Variants in BLTP1 observed in about 807,000 individuals in gnomAD.
The protein encoded by BLTP1 is fragile site-associated protein.
chr4:122,156,889 AGAT>A, the BLTP1 span, among the ~76,000 whole-genome samples: 3 of 152,260 alleles, frequency 2.0e-5, no homozygotes, highest in South Asian at 4.1e-4. Context: ...GGAAGGAAGG[AGAT>A]GATGATGATG....
chr4:122,359,939 G>A, the BLTP1 span: 1 of 985,336 alleles, frequency 1.0e-6, no homozygotes. Flanking sequence ...GCTCAGCACT[G>A]ATGAGTTGTC....
chr4:122,174,630 A>C, the BLTP1 span: 2 of 1,602,652 alleles, frequency 1.2e-6, no homozygotes, highest in East Asian at 2.2e-5. Flanking sequence ...AATCTATTAC[A>C]TTACAGAAGA....
chr4:122,361,308 G>A, the BLTP1 span, among the ~76,000 whole-genome samples: 1 of 152,082 alleles, frequency 6.6e-6, no homozygotes. Flanking sequence ...GCAGGGCATC[G>A]ATGCAGAACT....
the BLTP1 span, chr4:122,274,510 T>G: frequency 6.5e-7 from 1 of 1,543,892 alleles, no homozygotes; most frequent in Non-Finnish European, 8.7e-7. Flanking sequence ...ATAAACATGC[T>G]GAATTTTGAG....
chr4:122,219,884 C>G, the BLTP1 span, among the ~76,000 whole-genome samples: 1 of 152,058 alleles, frequency 6.6e-6, no homozygotes, highest in African/African-American at 2.4e-5. Flanking sequence ...TTTACATTTT[C>G]TTAGCTTTTA....
the BLTP1 span, chr4:122,344,928 G>A: frequency 2.0e-6 from 2 of 985,098 alleles, no homozygotes; most frequent in Admixed American, 6.2e-5. Flanking sequence ...TTTACTTGAT[G>A]TCAGAAAACC....
the BLTP1 span, among the ~76,000 whole-genome samples, chr4:122,242,489 C>G: frequency 6.6e-6 from 1 of 152,060 alleles, no homozygotes; most frequent in Non-Finnish European, 1.5e-5. Flanking sequence ...AAAAAGTAAC[C>G]TGGGAGGTAA....
At chr4:122,196,994 G>T in the BLTP1 span, 1 of 169,978 alleles carries the variant, frequency 5.9e-6, no homozygotes, top group Non-Finnish European at 1.2e-5. Context: ...AGACCTTCAT[G>T]CTATATTCTG....
chr4:122,174,196 G>A, the BLTP1 span: 66 of 985,030 alleles, frequency 6.7e-5, no homozygotes, highest in Admixed American at 1.2e-4. Flanking sequence ...AACATAAATC[G>A]TCTTCCATTA....
the BLTP1 span, among the ~76,000 whole-genome samples, chr4:122,303,162 G>A: frequency 6.6e-6 from 1 of 152,194 alleles, no homozygotes; most frequent in African/African-American, 2.4e-5. Flanking sequence ...TTAAGTGGAA[G>A]CCAGTGCTCA....
At chr4:122,225,382 T>C in the BLTP1 span, 1 of 152,252 alleles carries the variant, frequency 6.6e-6, no homozygotes, top group Non-Finnish European at 1.5e-5. Flanking sequence ...CGTATTATTG[T>C]AACATTTCAC....
chr4:122,355,831 A>G, the BLTP1 span: 1 of 1,608,944 alleles, frequency 6.2e-7, no homozygotes, highest in Non-Finnish European at 8.5e-7. Flanking sequence ...TGCTAACAAC[A>G]CTGAGAATAG....
chr4:122,301,424 TA>T, the BLTP1 span: 189 of 1,398,908 alleles, frequency 1.4e-4, no homozygotes, highest in African/African-American at 2.5e-3. Context: ...GATACTTTTA[TA>T]AAAATTTTTC....
the BLTP1 span, chr4:122,349,871 A>G: frequency 6.2e-7 from 1 of 1,613,600 alleles, no homozygotes. The surrounding 1 kb of genome is among the most constrained non-coding windows in gnomAD (Gnocchi z 4.5). Context: ...ATTTTCGTCC[A>G]TGGAGATTTG....
At chr4:122,343,096 C>T in the BLTP1 span, among the ~76,000 whole-genome samples, 1 of 152,132 alleles carries the variant, frequency 6.6e-6, no homozygotes, top group South Asian at 2.1e-4. Flanking sequence ...CTATTTTGGG[C>T]CTCTTCCACT....
the BLTP1 span, among the ~76,000 whole-genome samples, chr4:122,360,825 A>G: frequency 6.6e-6 from 1 of 152,350 alleles, no homozygotes; most frequent in African/African-American, 2.4e-5. Context: ...ATAATAATGT[A>G]TTTAAATTGA....
the BLTP1 span, chr4:122,250,239 G>A: frequency 9.6e-7 from 1 of 1,046,804 alleles, no homozygotes; most frequent in Non-Finnish European, 1.3e-6. Flanking sequence ...TACTTTTATA[G>A]ATTAGGGCAA....
the BLTP1 span, among the ~76,000 whole-genome samples, chr4:122,156,796 A>C: frequency 0.011 from 1,603 of 152,304 alleles, 88 homozygotes; most frequent in Admixed American, 0.083. Flanking sequence ...ATAATTGGTG[A>C]AGCAAAGTCA....
the BLTP1 span, among the ~76,000 whole-genome samples, chr4:122,175,535 G>A: frequency 0.019 from 2,858 of 152,002 alleles, 33 homozygotes; most frequent in Non-Finnish European, 0.03. Flanking sequence ...TTCTGTTAGC[G>A]CTTCATTTTC....
Sources: allele counts gnomAD v4.1 joint callset (sites outside exome capture counted in the v4.1 genomes callset), GRCh38; gene constraint gnomAD v4.1.1; non-coding constraint Gnocchi (gnomAD v3.1); transcripts MANE v1.5; gene names NCBI Gene and HGNC (gene_info 2026-07-23, HGNC 2026-07-21).